Variants in SANBR observed in about 807,000 individuals in gnomAD.
SANBR encodes SANT and BTB domain regulator of CSR.
SANBR carries 77 observed loss-of-function variants against 101.8 expected under a neutral mutation model. The observed-to-expected ratio is 0.76, with a 90% confidence interval of 0.63 to 0.91. SANBR has a LOEUF of 0.91. Ranked by LOEUF, SANBR falls within the 40% of genes least tolerant of loss-of-function variation. The pLI, the probability that SANBR is intolerant of heterozygous loss-of-function variation, is 0.00. For missense variants in SANBR, 875 were observed against 853.0 expected (o/e 1.03, Z -0.32); for synonymous variants, 279 against 274.7 (o/e 1.02, Z -0.15).
chr2:61,092,733 G>A, intron 11 of SANBR, 146 bp downstream of exon 11: 1 of 620,046 alleles, frequency 1.6e-6, no homozygotes, highest in Non-Finnish European at 2.5e-6. Context: ...GGGCATGGTG[G>A]CTCGTGCCTG....
chr2:61,076,856 C>G, intron 5 of SANBR, 64 bp from the exon 6 acceptor site: 1 of 1,126,006 alleles, frequency 8.9e-7, no homozygotes, highest in Non-Finnish European at 1.3e-6. Flanking sequence ...CACTAAATGT[C>G]AGTATTCTTG....
At chr2:61,116,829 G>A (rs1427676835) in intron 17 of SANBR, among the ~76,000 whole-genome samples, 1 of 152,026 alleles carries the variant, frequency 6.6e-6, no homozygotes, top group Non-Finnish European at 1.5e-5. Context: ...AAAGTGGGTG[G>A]ATTGCTTGAG....
chr2:61,132,335 C>A (rs907245241), intron 20 of SANBR, among the ~76,000 whole-genome samples: 4 of 152,056 alleles, frequency 2.6e-5, no homozygotes, highest in Admixed American at 6.6e-5. Context: ...AGAAAAATAA[C>A]CCAATTTTTA....
At chr2:61,080,598 G>A (rs1418044596) in intron 6 of SANBR, among the ~76,000 whole-genome samples, 4 of 152,126 alleles carry the variant, frequency 2.6e-5, no homozygotes, top group Non-Finnish European at 5.9e-5. Context: ...GTGAACGCCT[G>A]TAGTCCCAGC....
intron 11 of SANBR, among the ~76,000 whole-genome samples, chr2:61,095,236 G>A (rs551747091): frequency 6.6e-6 from 1 of 152,264 alleles, no homozygotes; most frequent in East Asian, 1.9e-4. Context: ...GAAACTTTGA[G>A]AGATTATTTT....
intron 7 of SANBR, among the ~76,000 whole-genome samples, chr2:61,082,319 T>A (rs1682177260): frequency 6.6e-6 from 1 of 152,216 alleles, no homozygotes; most frequent in Non-Finnish European, 1.5e-5. Context: ...AAGGATAATT[T>A]TTATGCCATA....
intron 11 of SANBR, chr2:61,094,064 A>G (rs1490035454): frequency 6.1e-6 from 6 of 982,642 alleles, no homozygotes; most frequent in Non-Finnish European, 7.3e-6. Context: ...GCTTGTCAAA[A>G]TCTTCAGATT....
intron 21 of SANBR, chr2:61,121,504 G>A: frequency 2.8e-6 from 1 of 361,990 alleles, no homozygotes; most frequent in South Asian, 3.1e-5. Flanking sequence ...TGTTGGACTA[G>A]CTTCATTCTG....
intron 5 of SANBR, among the ~76,000 whole-genome samples, chr2:61,076,468 A>T (rs1452949966): frequency 6.7e-6 from 1 of 149,310 alleles, no homozygotes; most frequent in Non-Finnish European, 1.5e-5. Context: ...ATACAAAAAA[A>T]AAAAAAAAAA....
Position 61,121,810 on chromosome 2 carries a change from T to TA in SANBR, c.2121-315dup, listed in dbSNP as rs1471236387. ...GTTCAAAAAGCTGAAAGTGTTTTCA[T>TA]ACATTTGTAGCAATTCAAACTTGCA... On this transcript the variant is annotated intron_variant, in intron 21 of 21. Coordinates refer to ENST00000402291, the MANE Select transcript of SANBR (RefSeq NM_001129993.3). Among the ~76,000 whole-genome samples, 15 of 152,314 alleles carry TA rather than the reference T, an allele frequency of 9.8e-5. No individual in the cohort carries two copies. In the East Asian group the frequency reaches 2.5e-3, roughly 25 times the overall value.
intron 8 of SANBR, among the ~76,000 whole-genome samples, chr2:61,087,864 A>T (rs1682524181): frequency 1.3e-5 from 2 of 151,872 alleles, no homozygotes; most frequent in South Asian, 4.2e-4. Flanking sequence ...AAAAAAAAGT[A>T]AAAATAAAAA....
In SANBR at chr2:61,118,100, CAAAG is replaced by C; in HGVS notation, c.2013_2016del (p.Glu673GlnfsTer49). On this transcript the variant is annotated frameshift_variant, in exon 20 of 22. Transcript: ENST00000402291. LOFTEE classifies it high-confidence loss of function. The stretch of plus-strand genomic sequence containing the variant: ...TTGGGGGATCTGGACCGAGTCAAGT[CAAAG>C]GAAGCAAAAGAAGTAAGAATTGTGT... 6.2e-7 allele frequency: 1 copy of C among 1,611,632 alleles called. No individual in the cohort carries two copies. The highest frequency in any genetic ancestry group is 8.5e-7 in the Non-Finnish European group (1 of 1,178,432).
intron 6 of SANBR, among the ~76,000 whole-genome samples, chr2:61,078,273 C>T (rs976851629): frequency 3.3e-5 from 5 of 152,158 alleles, no homozygotes; most frequent in African/African-American, 1.2e-4. Flanking sequence ...AGTTCAGATA[C>T]ATTGCAATTA....
chr2:61,086,407 G>C (rs1355747080), intron 8 of SANBR, among the ~76,000 whole-genome samples: 1 of 151,926 alleles, frequency 6.6e-6, no homozygotes, highest in African/African-American at 2.4e-5. Context: ...TGGTGCTATT[G>C]TAAATGCTAC....
At chr2:61,076,886 A>G (rs190125718) in intron 5 of SANBR, 34 bp from the exon 6 acceptor site, 25,760 of 1,474,184 alleles carry the variant, frequency 0.017, 295 homozygotes, top group Non-Finnish European at 0.021. Flanking sequence ...CTAAAACTCT[A>G]ATAATTTCAT....
intron 7 of SANBR, among the ~76,000 whole-genome samples, chr2:61,081,873 T>C (rs1682152450): frequency 1.3e-5 from 2 of 152,152 alleles, no homozygotes; most frequent in African/African-American, 4.8e-5. Context: ...GGTCTCGAAC[T>C]CCTAATCTCA....
chr2:61,075,612 C>G (rs928359616), intron 5 of SANBR, among the ~76,000 whole-genome samples: 1 of 152,118 alleles, frequency 6.6e-6, no homozygotes, highest in Non-Finnish European at 1.5e-5. Context: ...TTGAAGCAGA[C>G]TCTCTGATGT....
intron 16 of SANBR, among the ~76,000 whole-genome samples, chr2:61,115,385 T>A (rs1684028832): frequency 6.6e-6 from 1 of 151,422 alleles, no homozygotes; most frequent in African/African-American, 2.4e-5. Flanking sequence ...ATCACCAGGC[T>A]GAAATGGCAC....
chr2:61,121,396 T>C, intron 21 of SANBR, 120 bp downstream of exon 21: 1 of 590,502 alleles, frequency 1.7e-6, no homozygotes, highest in South Asian at 2.3e-5. Context: ...TTTGTTTCAA[T>C]GATTATATTA....
Sources: allele counts gnomAD v4.1 joint callset (sites outside exome capture counted in the v4.1 genomes callset), GRCh38; gene constraint gnomAD v4.1.1; transcripts MANE v1.5; gene names NCBI Gene and HGNC (gene_info 2026-07-23, HGNC 2026-07-21).